CRB1: variants seen among roughly 807,000 people sequenced by gnomAD.
CRB1 encodes protein crumbs homolog 1.
A neutral mutation model predicts 120.0 loss-of-function variants in CRB1; 83 were observed. The ratio of observed to expected loss-of-function variants is 0.69; its 90% CI spans 0.58 to 0.83. The LOEUF is 0.83. Among genes scored for constraint, CRB1 ranks in the 40% least tolerant of loss-of-function variants. CRB1 has a pLI of 0.00. For synonymous variants in CRB1, 625 were observed against 612.5 expected (o/e 1.02, Z -0.30); for missense variants, 1,699 against 1,687.6 (o/e 1.01, Z -0.12).
At chr1:197,408,795 G>A (rs1159234968) in intron 5 of CRB1, among the ~76,000 whole-genome samples, 1 of 152,178 alleles carries the variant, frequency 6.6e-6, no homozygotes, top group African/African-American at 2.4e-5. Flanking sequence ...GATAGTTCTG[G>A]TTGAACTGGG....
chr1:197,390,345 T>C (rs1662435716), intron 5 of CRB1, among the ~76,000 whole-genome samples: 1 of 152,066 alleles, frequency 6.6e-6, no homozygotes, highest in Non-Finnish European at 1.5e-5. Flanking sequence ...GGTAAATGGA[T>C]GAATAGACAG....
chr1:197,375,018 G>A (rs189235383), intron 5 of CRB1, among the ~76,000 whole-genome samples: 48 of 152,282 alleles, frequency 3.2e-4, no homozygotes, highest in Non-Finnish European at 7.4e-5. Flanking sequence ...TACCATTTCA[G>A]TGGGAGTCCA....
chr1:197,364,054 C>G, intron 5 of CRB1: 1 of 1,346,368 alleles, frequency 7.4e-7, no homozygotes. Flanking sequence ...GCGAAAGAAT[C>G]AGGCAGATCC....
the CRB1 span, among the ~76,000 whole-genome samples, chr1:197,213,104 T>C: frequency 6.6e-6 from 1 of 152,120 alleles, no homozygotes; most frequent in Admixed American, 6.5e-5. Context: ...TTCCCATGAA[T>C]CAGAATTTAC....
At chr1:197,266,664 A>G (rs1257959942), upstream of CRB1, among the ~76,000 whole-genome samples, 2 of 152,198 alleles carry the variant, frequency 1.3e-5, no homozygotes, top group African/African-American at 4.8e-5. Context: ...AACCCCATGT[A>G]TATAATTCCT....
chr1:197,427,859 G>A lies in CRB1; in HGVS notation c.2534G>A (p.Gly845Asp), dbSNP rs1020630434. ...GACAAGCAAGAGACTGAACTTAATGGTGGATTCTTCAAAGGCTGTATCCAA... is the reference window on the plus strand; with the variant it reads ...GACAAGCAAGAGACTGAACTTAATGATGGATTCTTCAAAGGCTGTATCCAA... ...LPDKQETELN[G>D]GFFKGCIQDV... The change falls in exon 7 of 12, where the codon GGT (glycine) becomes GAT (aspartate). Residue 845 changes from glycine (G) to aspartate (D), a missense_variant. Coordinates refer to ENST00000367400, the MANE Select transcript of CRB1 (RefSeq NM_201253.3). 1 of 1,613,982 alleles carries A rather than the reference G, an allele frequency of 6.2e-7. No homozygotes were observed. Among genetic ancestry groups the A allele is most frequent in the Non-Finnish European group, 8.5e-7 (1 of 1,179,970 alleles).
the CRB1 span, among the ~76,000 whole-genome samples, chr1:197,235,861 C>T: frequency 2.6e-5 from 4 of 152,198 alleles, no homozygotes; most frequent in South Asian, 2.1e-4. Context: ...AATGGGTATT[C>T]GTGCTTCTGA....
In CRB1 at chr1:197,273,629, A is replaced by G. The variant is rs1655025613; in HGVS notation, c.70+5147A>G. On this transcript the variant is annotated intron_variant, in intron 1 of 11. Transcript: ENST00000367400. Reference sequence around the variant, plus strand: ...CAATTGTTTATTCATATCAGTATGAATCTATTGACATTTATTTTATACTCT... The same window carrying G: ...CAATTGTTTATTCATATCAGTATGAGTCTATTGACATTTATTTTATACTCT... Among the ~76,000 whole-genome samples the G allele has an allele frequency of 1.3e-5, 2 of 152,102 alleles. 1 individual carries two copies. Among genetic ancestry groups the G allele is most frequent in the South Asian group, 4.1e-4 (2 of 4,820 alleles).
chr1:197,299,132 A>G (rs1024072594), intron 1 of CRB1, among the ~76,000 whole-genome samples: 1 of 152,168 alleles, frequency 6.6e-6, no homozygotes, highest in Non-Finnish European at 1.5e-5. Context: ...TTAGTATGTA[A>G]AGCACTCCTT....
chr1:197,313,256 C>T (rs1447559024), intron 1 of CRB1, among the ~76,000 whole-genome samples: 6 of 152,194 alleles, frequency 3.9e-5, no homozygotes, highest in Non-Finnish European at 1.5e-5. Flanking sequence ...CAATCACCTG[C>T]CACCAGGTCC....
chr1:197,445,511 A>T (rs747254745), intron 11 of CRB1, among the ~76,000 whole-genome samples: 1 of 152,220 alleles, frequency 6.6e-6, no homozygotes, highest in Non-Finnish European at 1.5e-5. Flanking sequence ...CTTTTCAATT[A>T]TCTTTTTTCA....
rs1014712535 is a variant in CRB1, at chr1:197,478,156, G to A, written c.*277G>A. ...CTTCCAGAGAATAAAGTCTTCTGTGGCTTTAGTGGCTATCACTGAAACTCT... is the reference window on the plus strand; with the variant it reads ...CTTCCAGAGAATAAAGTCTTCTGTGACTTTAGTGGCTATCACTGAAACTCT... On this transcript the variant is annotated 3_prime_UTR_variant, in exon 12 of 12. Transcript: ENST00000367400. The A allele has an allele frequency of 7.7e-5, 34 of 439,130 alleles. No homozygotes were observed. Among genetic ancestry groups the A allele is most frequent in the South Asian group, 7.7e-4 (33 of 42,970 alleles). The allele number at this position is 439,130 out of a possible 1,614,324, so 27.2% of individuals were successfully genotyped here. A position where few individuals can be genotyped will look rare whatever the true frequency, so the allele number is the denominator to read the frequency against.
intron 1 of CRB1, among the ~76,000 whole-genome samples, chr1:197,285,378 T>A (rs1281486005): frequency 6.6e-6 from 1 of 151,748 alleles, no homozygotes; most frequent in African/African-American, 2.4e-5. Flanking sequence ...GGCCTTGCCC[T>A]TTAGAGAAAA....
chr1:197,432,354 T>C (rs1383269403), intron 8 of CRB1, among the ~76,000 whole-genome samples: 1 of 109,750 alleles, frequency 9.1e-6, no homozygotes, highest in Admixed American at 1.1e-4. Context: ...CAAACCTGGT[T>C]GAAACACACA....
At chr1:197,473,996 A>T (rs1328472188) in intron 11 of CRB1, among the ~76,000 whole-genome samples, 8 of 152,202 alleles carry the variant, frequency 5.3e-5, no homozygotes, top group Admixed American at 1.3e-4. Flanking sequence ...TTTCATCAAA[A>T]ACTTTATATG....
chr1:197,228,717 C>T, the CRB1 span, among the ~76,000 whole-genome samples: 1 of 152,200 alleles, frequency 6.6e-6, no homozygotes, highest in East Asian at 1.9e-4. Context: ...CAGCAACGCC[C>T]TGCTCTACTG....
At position 197,421,629 on chromosome 1, in the gene CRB1, A is replaced by G; in HGVS notation, c.1801A>G (p.Ser601Gly). 1 of 1,614,242 alleles carries G rather than the reference A, an allele frequency of 6.2e-7. No homozygotes were observed. Among genetic ancestry groups the G allele is most frequent in the Non-Finnish European group, 8.5e-7 (1 of 1,180,044 alleles). ...CGCGAAAGCTCCTACTCCACTTGAA[A>G]GTGATCAATCAATATGTGCTTTTCA... ...CIAKAPTPLE[S>G]DQSICAFQNS... The change falls in exon 6 of 12, where the codon AGT (serine) becomes GGT (glycine). Residue 601 changes from serine to glycine, a missense_variant. Physicochemically the swap from Ser to Gly is moderately conservative, Grantham distance 56 (BLOSUM62 0). Transcript: ENST00000367400.
intron 1 of CRB1, among the ~76,000 whole-genome samples, chr1:197,279,739 G>T (rs1252982914): frequency 6.6e-6 from 1 of 151,448 alleles, no homozygotes; most frequent in African/African-American, 2.4e-5. Context: ...TTGTGTCCAT[G>T]TAGAGGGACT....
At chr1:197,436,653 G>C (rs1009460926) in intron 9 of CRB1, among the ~76,000 whole-genome samples, 5 of 152,086 alleles carry the variant, frequency 3.3e-5, no homozygotes, top group African/African-American at 9.7e-5. Context: ...ATACAAAACT[G>C]TTTAATATCC....
Sources: gnomAD v4.1 joint callset for allele counts (sites outside exome capture counted in the v4.1 genomes callset) on GRCh38, gnomAD v4.1.1 for gene constraint, MANE v1.5 for transcripts, NCBI Gene and HGNC (gene_info 2026-07-23, HGNC 2026-07-21) for gene names.